Variants in UBE2D4 observed in about 807,000 individuals in gnomAD.
The protein encoded by UBE2D4 is ubiquitin conjugating enzyme E2 D4.
UBE2D4 carries 17 observed loss-of-function variants against 23.0 expected under a neutral mutation model. That is an observed-to-expected ratio of 0.74 (90% CI 0.51 to 1.11). The LOEUF is 1.11. UBE2D4 is among the 50% of genes least tolerant of loss of function. UBE2D4 has a pLI of 0.00. For synonymous variants in UBE2D4, 61 were observed against 69.4 expected (o/e 0.88, Z 0.60); for missense variants, 139 against 181.8 (o/e 0.76, Z 1.35).
In UBE2D4 at chr7:43,955,953, G is replaced by A. The variant is rs2096012319; in HGVS notation, c.*3258G>A. On this transcript the variant is annotated 3_prime_UTR_variant, in exon 7 of 7. Transcript: ENST00000222402. ...TGCCATGCAGGCAGCAAGCCATCCT[G>A]AACAGCGTTCCTCCCAGAGTCTGTT... is the stretch of plus-strand genomic sequence containing the variant. 6.6e-6 allele frequency: 1 copy of A among 152,210 alleles called. No homozygotes were observed. The highest frequency in any genetic ancestry group is 2.1e-4 in the South Asian group (1 of 4,830). The allele number at this position is 152,210 out of a possible 1,614,324, so 9.4% of individuals were successfully genotyped here.
rs905625660 is a variant in UBE2D4 at position 43,954,048 on chromosome 7, C to T, written c.*1353C>T. 1 of 152,146 alleles carries T rather than the reference C, an allele frequency of 6.6e-6. No homozygotes were observed. The highest frequency in any genetic ancestry group is 2.4e-5 in the African/African-American group (1 of 41,428). 9.4% of individuals were successfully genotyped at this position (152,146 alleles called of 1,614,324 possible). A position where few individuals can be genotyped will look rare whatever the true frequency, so the allele number is the denominator to read the frequency against. On this transcript the variant is annotated 3_prime_UTR_variant, in exon 7 of 7. Transcript: ENST00000222402. ...GAGGTTGATTTCTTCCAGAAACTTC[C>T]AAGTTGTGGCTACAAATTTATTGCC...
In UBE2D4 at chr7:43,955,983, C is replaced by T. The variant is rs1486167747; in HGVS notation, c.*3288C>T. 1 of 152,220 alleles carries T rather than the reference C, an allele frequency of 6.6e-6. No homozygotes were observed. Among genetic ancestry groups the T allele is most frequent in the Non-Finnish European group, 1.5e-5 (1 of 68,046 alleles). The allele number at this position is 152,220 out of a possible 1,614,324, so 9.4% of individuals were successfully genotyped here. On this transcript the variant is annotated 3_prime_UTR_variant, in exon 7 of 7. Coordinates refer to ENST00000222402, the MANE Select transcript of UBE2D4 (RefSeq NM_015983.4). ...GCGTTCCTCCCAGAGTCTGTTTCCT[C>T]ACCTGCTGTTCACTGGTGAGAGGAA...
At chr7:43,933,706 T>A (rs1361777024) in intron 1 of UBE2D4, among the ~76,000 whole-genome samples, 1 of 152,114 alleles carries the variant, frequency 6.6e-6, no homozygotes, top group African/African-American at 2.4e-5. Context: ...ATGGTGCCAG[T>A]GTACTCCAGT....
In UBE2D4 at chr7:43,932,240, T is replaced by C. The variant is rs368233249; in HGVS notation, c.24+5684T>C. 4.0e-5 allele frequency among the ~76,000 whole-genome samples: 6 copies of C among 148,944 alleles called. No homozygotes were observed. The East Asian group carries it at 8.2e-4, about 20-fold the overall frequency. Reference sequence around the variant, plus strand: ...TCCTGACCTCGTGATCCACCCGCCTTGGCCTCCCAAAGTGCTGGGATTACA... The same window carrying C: ...TCCTGACCTCGTGATCCACCCGCCTCGGCCTCCCAAAGTGCTGGGATTACA... On this transcript the variant is annotated intron_variant, in intron 1 of 6. Coordinates refer to ENST00000222402, the MANE Select transcript of UBE2D4 (RefSeq NM_015983.4).
chr7:43,949,013 T>C (rs781311344), intron 5 of UBE2D4: 9 of 441,240 alleles, frequency 2.0e-5, no homozygotes, highest in Admixed American at 3.8e-5. Context: ...ATTCTACTTA[T>C]ATTTTTTTAT....
intron 1 of UBE2D4, 61 bp downstream of exon 1, chr7:43,926,617 C>A (rs2095931335): frequency 2.0e-6 from 3 of 1,501,428 alleles, no homozygotes; most frequent in East Asian, 5.4e-5. Context: ...GTGGGCGGGG[C>A]GCCGCTGCCG....
chr7:43,948,446 C>G (rs2095993466), intron 4 of UBE2D4, among the ~76,000 whole-genome samples, 186 bp from the exon 5 acceptor site: 1 of 152,190 alleles, frequency 6.6e-6, no homozygotes, highest in South Asian at 2.1e-4. Flanking sequence ...CAGGGAACTT[C>G]TGGGTGATCA....
intron 1 of UBE2D4, among the ~76,000 whole-genome samples, chr7:43,929,091 AG>A (rs1286134667): frequency 6.6e-6 from 1 of 151,996 alleles, no homozygotes; most frequent in Non-Finnish European, 1.5e-5. Context: ...CAGGAGTTGG[AG>A]ACCAACTGGG....
intron 5 of UBE2D4, among the ~76,000 whole-genome samples, chr7:43,949,390 A>C (rs1180077700): frequency 6.6e-6 from 1 of 152,152 alleles, no homozygotes; most frequent in Non-Finnish European, 1.5e-5. Flanking sequence ...CCTGGCCTAA[A>C]TTTTAAATTT....
intron 1 of UBE2D4, among the ~76,000 whole-genome samples, chr7:43,934,189 T>G (rs540187382): frequency 6.6e-6 from 1 of 152,238 alleles, no homozygotes; most frequent in African/African-American, 2.4e-5. Context: ...ACCCTCAAGT[T>G]GGTGAGACTG....
chr7:43,929,833 G>T (rs949977246), intron 1 of UBE2D4, among the ~76,000 whole-genome samples: 1 of 152,224 alleles, frequency 6.6e-6, no homozygotes, highest in Non-Finnish European at 1.5e-5. Flanking sequence ...CAACAGAATT[G>T]TAGGAAATAC....
chr7:43,926,841 G>A (rs868714506), intron 1 of UBE2D4, among the ~76,000 whole-genome samples: 3 of 152,374 alleles, frequency 2.0e-5, no homozygotes, highest in Middle Eastern at 6.8e-3. Context: ...GGTTCCCCCT[G>A]TAGGGTATCC....
In UBE2D4 at chr7:43,952,728, A is replaced by G. The variant is rs2096005733; in HGVS notation, c.*33A>G. 5.7e-6 allele frequency: 9 copies of G among 1,590,000 alleles called. No homozygotes were observed. Among genetic ancestry groups the G allele is most frequent in the African/African-American group, 1.3e-5 (1 of 74,396 alleles). Reference sequence around the variant, plus strand: ...GGAGGTTTTACATGAGACACTGTCCAAGAGAAGCTGGCAGAGAGGTCTTCC... The same window carrying G: ...GGAGGTTTTACATGAGACACTGTCCGAGAGAAGCTGGCAGAGAGGTCTTCC... On this transcript the variant is annotated 3_prime_UTR_variant, in exon 7 of 7. Transcript: ENST00000222402.
chr7:43,948,652 TTATCACCCTAA>T lies in UBE2D4; in HGVS notation c.225_235del (p.His75GlnfsTer9). ...TGCAGGTTGCTTTCACAACCAAAATTTATCACCCTAATATCAACAGCAATGGCAGCATCTGC... is the reference window on the plus strand; with the variant it reads ...TGCAGGTTGCTTTCACAACCAAAATTTATCAACAGCAATGGCAGCATCTGC... On this transcript the variant is annotated frameshift_variant, in exon 5 of 7. Coordinates refer to ENST00000222402, the MANE Select transcript of UBE2D4 (RefSeq NM_015983.4). LOFTEE classifies it high-confidence loss of function. The T allele has an allele frequency of 6.2e-7, 1 of 1,609,346 alleles. No homozygotes were observed.
chr7:43,939,613 A>T (rs1366359574), intron 2 of UBE2D4, among the ~76,000 whole-genome samples: 1 of 152,232 alleles, frequency 6.6e-6, no homozygotes, highest in Non-Finnish European at 1.5e-5. Flanking sequence ...GTGAGACAGA[A>T]TGTGTATGCC....
chr7:43,934,055 GACA>G (rs2095953001), intron 1 of UBE2D4, among the ~76,000 whole-genome samples: 1 of 152,198 alleles, frequency 6.6e-6, no homozygotes. Context: ...ACAGAAACAG[GACA>G]ACGACGAGTA....
chr7:43,927,460 C>T (rs1311887407), intron 1 of UBE2D4, among the ~76,000 whole-genome samples: 4 of 151,980 alleles, frequency 2.6e-5, no homozygotes, highest in South Asian at 2.1e-4. Context: ...CTACATGCCA[C>T]CATGCCAGCC....
chr7:43,938,179 C>T (rs1048433430), intron 1 of UBE2D4, among the ~76,000 whole-genome samples: 1 of 152,124 alleles, frequency 6.6e-6, no homozygotes, highest in African/African-American at 2.4e-5. Flanking sequence ...TCTTCCAGCT[C>T]TGTACCTTGA....
intron 1 of UBE2D4, among the ~76,000 whole-genome samples, chr7:43,929,731 A>G (rs910842805): frequency 6.6e-6 from 1 of 152,230 alleles, no homozygotes. Context: ...TGCTGTCACT[A>G]TCAGGAAATT....
Sources: gnomAD v4.1 joint callset for allele counts (sites outside exome capture counted in the v4.1 genomes callset) on GRCh38, gnomAD v4.1.1 for gene constraint, MANE v1.5 for transcripts, NCBI Gene and HGNC (gene_info 2026-07-23, HGNC 2026-07-21) for gene names.